TRIO: variants seen among roughly 807,000 people sequenced by gnomAD.
TRIO encodes the protein triple functional domain protein.
In TRIO, 58 loss-of-function variants were observed where a neutral mutation model predicts 351.9. The ratio of observed to expected loss-of-function variants is 0.16; its 90% CI spans 0.13 to 0.21. The LOEUF (loss-of-function observed/expected upper bound fraction) is 0.21, where lower values mean the gene tolerates loss of function less well. Among genes scored for constraint, TRIO ranks in the 10% least tolerant of loss-of-function variants. The pLI, the probability that TRIO is intolerant of heterozygous loss-of-function variation, is 1.00. For synonymous variants in TRIO, 1,758 were observed against 1,595.7 expected, an observed-to-expected ratio of 1.10 and a Z score of -2.42; for missense variants, 3,201 against 4,027.8, an observed-to-expected ratio of 0.79 and a Z score of 5.56.
At chr5:14,311,472 G>C (rs1738928055) in intron 8 of TRIO, among the ~76,000 whole-genome samples, 1 of 152,160 alleles carries the variant, frequency 6.6e-6, no homozygotes, top group Non-Finnish European at 1.5e-5. Flanking sequence ...TCTGTCGTTG[G>C]GAACACACAT....
intron 1 of TRIO, among the ~76,000 whole-genome samples, chr5:14,145,554 T>A (rs1401615665): frequency 6.6e-6 from 1 of 151,706 alleles, no homozygotes; most frequent in African/African-American, 2.4e-5. Context: ...GTCTTACCTC[T>A]TAATAGCAGA....
chr5:14,443,313 A>G (rs940758337), intron 34 of TRIO, among the ~76,000 whole-genome samples: 1 of 152,206 alleles, frequency 6.6e-6, no homozygotes. Flanking sequence ...AGAAAAAGCG[A>G]AATTCGTGCA....
Position 14,498,266 on chromosome 5 carries a change from C to G in TRIO, c.8210+15C>G, listed in dbSNP as rs1482302834. The G allele has an allele frequency of 6.2e-7, 1 of 1,609,604 alleles. No individual in the cohort carries two copies. Among genetic ancestry groups the G allele is most frequent in the Non-Finnish European group, 8.5e-7 (1 of 1,176,194 alleles). ...ATCTCCTACAGGTGAGGGAGGCCCA[C>G]TCCTGGTGGGTTTCGCTGGCTGGGA... On this transcript the variant is annotated intron_variant, in intron 52 of 56. Transcript: ENST00000344204.
intron 35 of TRIO, 31 bp from the exon 36 acceptor site, chr5:14,462,724 A>G: frequency 6.2e-7 from 1 of 1,613,190 alleles, no homozygotes; most frequent in South Asian, 1.1e-5. Flanking sequence ...CTGGCCTGGA[A>G]TATAATGAGC....
chr5:14,169,544 C>G (rs144331306), intron 1 of TRIO, among the ~76,000 whole-genome samples: 136 of 152,298 alleles, frequency 8.9e-4, no homozygotes, highest in Non-Finnish European at 1.6e-3. Flanking sequence ...TTGTGATTGT[C>G]AAGTCTTTGG....
intron 3 of TRIO, among the ~76,000 whole-genome samples, chr5:14,281,629 G>C (rs1036327689): frequency 3.3e-5 from 5 of 152,160 alleles, no homozygotes; most frequent in African/African-American, 1.2e-4. Context: ...TGGAATAGGA[G>C]ATTTGGTGTG....
intron 9 of TRIO, among the ~76,000 whole-genome samples, chr5:14,325,937 T>C (rs17303923): frequency 0.17 from 25,767 of 152,222 alleles, 2,518 homozygotes; most frequent in Admixed American, 0.26. Context: ...TGTGACAGCG[T>C]CATTTCCTAA....
chr5:14,144,702 C>T (rs1156590677), intron 1 of TRIO, among the ~76,000 whole-genome samples: 1 of 151,988 alleles, frequency 6.6e-6, no homozygotes, highest in Non-Finnish European at 1.5e-5. Flanking sequence ...GGGAGAGGCG[C>T]GGGTGGCGAC....
intron 1 of TRIO, among the ~76,000 whole-genome samples, chr5:14,262,681 G>A (rs1237774314): frequency 1.3e-5 from 2 of 152,100 alleles, no homozygotes; most frequent in African/African-American, 4.8e-5. Context: ...ACAACTCCTT[G>A]TTTCATGGAG....
In TRIO at chr5:14,508,346, G is replaced by T; in HGVS notation, c.9218G>T (p.Arg3073Leu). ...AGACTGACTTCCTTCATTGAGCGGC[G>T]CAAACACCAGAATGATGTTCGACCT... is the stretch of plus-strand genomic sequence containing the variant. ...TSRLTSFIER[R>L]KHQNDVRPIR... is the part of the protein sequence containing the mutation. Residue 3073 changes from arginine (R) to leucine (L), a missense_variant, in exon 57 of 57, where the codon CGC (arginine) becomes CTC (leucine). By Grantham distance (102) the Arg-to-Leu change is moderately radical (BLOSUM62 -2). Coordinates refer to ENST00000344204, the MANE Select transcript of TRIO (RefSeq NM_007118.4). 1 of 1,613,996 alleles carries T rather than the reference G, an allele frequency of 6.2e-7. No individual in the cohort carries two copies. Among genetic ancestry groups the T allele is most frequent in the Non-Finnish European group, 8.5e-7 (1 of 1,180,044 alleles).
intron 1 of TRIO, among the ~76,000 whole-genome samples, chr5:14,190,120 A>G (rs1790368720): frequency 6.6e-6 from 1 of 152,116 alleles, no homozygotes; most frequent in Non-Finnish European, 1.5e-5. Context: ...ATAGAGATGG[A>G]AAGTTACAGG....
chr5:14,485,361 C>G, intron 47 of TRIO, 115 bp downstream of exon 47: 1 of 1,074,878 alleles, frequency 9.3e-7, no homozygotes. Context: ...ACTCACCACT[C>G]TTCAGGCACT....
At position 14,504,575 on chromosome 5, in the gene TRIO, A is replaced by G; in HGVS notation, c.8594A>G (p.Tyr2865Cys). The change falls in exon 55 of 57, where the codon TAC becomes TGC. Residue 2865 changes from tyrosine to cysteine, a missense_variant. By Grantham distance (194) the Tyr-to-Cys change is radical. This residue lies in a region of TRIO where 1,089 missense variants were observed against 954.9 expected (regional missense o/e 1.14). Transcript: ENST00000344204. ...GACACCTTTGAGACCCCCACCAGCT[A>G]CATCCTGGTCTTAGAAATGTGCGTA... Reference protein sequence around the residue: ...LLDTFETPTSYILVLEMADQG... With the variant: ...LLDTFETPTSCILVLEMADQG... 6.2e-7 allele frequency: 1 copy of G among 1,614,058 alleles called. No individual in the cohort carries two copies. Among genetic ancestry groups the G allele is most frequent in the Non-Finnish European group, 8.5e-7 (1 of 1,180,002 alleles).
At chr5:14,288,484 C>T (rs1411328508) in intron 4 of TRIO, among the ~76,000 whole-genome samples, 1 of 151,942 alleles carries the variant, frequency 6.6e-6, no homozygotes, top group Admixed American at 6.6e-5. Flanking sequence ...CTGGCTAACA[C>T]GGTGAAACCC....
chr5:14,418,379 G>T (rs939274490), intron 33 of TRIO, among the ~76,000 whole-genome samples: 1 of 152,188 alleles, frequency 6.6e-6, no homozygotes, highest in Non-Finnish European at 1.5e-5. Flanking sequence ...GTCTGTGAGG[G>T]AGGAAGCTCA....
At chr5:14,376,972 A>T (rs1422753678) in intron 19 of TRIO, among the ~76,000 whole-genome samples, 1 of 152,160 alleles carries the variant, frequency 6.6e-6, no homozygotes, top group African/African-American at 2.4e-5. Flanking sequence ...TAGTGACTGT[A>T]TTTTTTAAAT....
rs1396414446 is a variant in TRIO at position 14,143,704 on chromosome 5, G to T, written c.-22G>T. The T allele has an allele frequency of 8.2e-6, 8 of 975,140 alleles. No homozygotes were observed. Among genetic ancestry groups the T allele is most frequent in the African/African-American group, 3.6e-5 (2 of 56,272 alleles). The allele number at this position is 975,140 out of a possible 1,614,324, so 60.4% of individuals were successfully genotyped here. A position where few individuals can be genotyped will look rare whatever the true frequency, so the allele number is the denominator to read the frequency against. Reference sequence around the variant, plus strand: ...GGGGCGCGGGGCCCGAGGCGGGCGCGGCCGCGGGCGCCGCCGCAGCCATGA... The same window carrying T: ...GGGGCGCGGGGCCCGAGGCGGGCGCTGCCGCGGGCGCCGCCGCAGCCATGA... On this transcript the variant is annotated 5_prime_UTR_variant, in exon 1 of 57. Coordinates refer to ENST00000344204, the MANE Select transcript of TRIO (RefSeq NM_007118.4).
At chr5:14,165,521 G>T (rs751222627) in intron 1 of TRIO, among the ~76,000 whole-genome samples, 1 of 152,110 alleles carries the variant, frequency 6.6e-6, no homozygotes, top group South Asian at 2.1e-4. Flanking sequence ...TGGCGGGCAC[G>T]TGGGTTGACT....
rs544029922 is a variant in TRIO, at chr5:14,485,216, A to G, written c.6805A>G (p.Ile2269Val). ...RQTWIHEINQ[I>V]LENQRNFLNA... is the part of the protein sequence containing the mutation. ...AACTTGGATCCATGAAATCAACCAA[A>G]TTTTAGAAAACCAGCGCAATTTTTT... Residue 2269 changes from isoleucine to valine, a missense_variant, in exon 47 of 57, where the codon ATT becomes GTT. Around this residue, in one of 19 missense-constraint regions of TRIO, gnomAD observed 1,089 missense variants for 954.9 expected, o/e 1.14. Transcript: ENST00000344204. 4 of 1,579,696 alleles carry G rather than the reference A, an allele frequency of 2.5e-6. No individual in the cohort carries two copies. The highest frequency in any genetic ancestry group is 3.5e-6 in the Non-Finnish European group (4 of 1,156,272).
Sources: allele counts gnomAD v4.1 joint callset (sites outside exome capture counted in the v4.1 genomes callset), GRCh38; gene constraint gnomAD v4.1.1; regional missense constraint gnomAD v4.1.1; transcripts MANE v1.5; gene names NCBI Gene and HGNC (gene_info 2026-07-23, HGNC 2026-07-21).